The following EML5 variants were observed in gnomAD, a reference collection of about 807,000 sequenced individuals.
The protein encoded by EML5 is EMAP like 5, also known as echinoderm microtubule-associated protein-like 5.
In EML5, 120 loss-of-function variants were observed where a neutral mutation model predicts 250.0. The ratio of observed to expected loss-of-function variants is 0.48; its 90% confidence interval spans 0.41 to 0.56. The LOEUF is 0.56. Among genes scored for constraint, EML5 ranks in the 20% least tolerant of loss-of-function variants. The pLI, the probability that EML5 is intolerant of heterozygous loss-of-function variation, is 0.00. For missense variants in EML5, 2,006 were observed against 2,437.6 expected (o/e 0.82, Z 3.73); for synonymous variants, 771 against 806.5 (o/e 0.96, Z 0.75).
chr14:88,711,667 T>A (rs1457180060), intron 10 of EML5, among the ~76,000 whole-genome samples: 2 of 151,866 alleles, frequency 1.3e-5, no homozygotes, highest in Non-Finnish European at 2.9e-5. Context: ...CTAAACCATA[T>A]CAGACCCTGC....
chr14:88,682,065 G>T, intron 20 of EML5, 34 bp from the exon 21 acceptor site: 1 of 1,536,026 alleles, frequency 6.5e-7, no homozygotes, highest in Non-Finnish European at 8.7e-7. Context: ...TTTAGTGTAT[G>T]TGTGTGTATA....
chr14:88,612,504 T>G lies in EML5; in HGVS notation c.*3314A>C, dbSNP rs1181094342. 2 of 152,366 alleles carry G rather than the reference T, an allele frequency of 1.3e-5. No individual in the cohort carries two copies. Among genetic ancestry groups the G allele is most frequent in the Non-Finnish European group, 2.9e-5 (2 of 68,030 alleles). The allele number at this position is 152,366 out of a possible 1,614,324, so 9.4% of individuals were successfully genotyped here. A position where few individuals can be genotyped will look rare whatever the true frequency, so the allele number is the denominator to read the frequency against. ...TTGGGAAACTACATTATCACAAAAT[T>G]ATACAAATTTTTTTACAAGTATTTA... is the stretch of plus-strand genomic sequence containing the variant. On this transcript the variant is annotated 3_prime_UTR_variant, in exon 44 of 44. Coordinates refer to ENST00000554922, the MANE Select transcript of EML5 (RefSeq NM_183387.3).
chr14:88,666,060 A>G (rs769072148), intron 21 of EML5, among the ~76,000 whole-genome samples: 2 of 152,228 alleles, frequency 1.3e-5, no homozygotes, highest in Non-Finnish European at 2.9e-5. Flanking sequence ...AATACAACAA[A>G]AGCAAGTATG....
chr14:88,706,771 A>G (rs2093324065), intron 10 of EML5, among the ~76,000 whole-genome samples: 1 of 152,182 alleles, frequency 6.6e-6, no homozygotes, highest in Non-Finnish European at 1.5e-5. Context: ...CCTTACCCCC[A>G]TTATTCTCAA....
rs922607787 is a variant in EML5 at position 88,762,435 on chromosome 14, G to A, written c.198-7764C>T. ...TGAGGCAGGAGAATCACTTGAACCC[G>A]GGAGGCAGAGGTTGCAGTGAGCTGA... On this transcript the variant is annotated intron_variant, in intron 1 of 43. Coordinates refer to ENST00000554922, the MANE Select transcript of EML5 (RefSeq NM_183387.3). Among the ~76,000 whole-genome samples, 17 of 151,986 alleles carry A rather than the reference G, an allele frequency of 1.1e-4. No individual in the cohort carries two copies. The East Asian group carries it at 2.1e-3, about 19-fold the overall frequency.
chr14:88,759,201 G>GT (rs1712372192), intron 1 of EML5, among the ~76,000 whole-genome samples: 2 of 152,096 alleles, frequency 1.3e-5, no homozygotes, highest in South Asian at 4.1e-4. Context: ...ATTACTGTCT[G>GT]TACACATATT....
At chr14:88,734,441 G>T (rs1429418380) in intron 7 of EML5, among the ~76,000 whole-genome samples, 1 of 151,910 alleles carries the variant, frequency 6.6e-6, no homozygotes, top group Non-Finnish European at 1.5e-5. Context: ...GAATTCTTAG[G>T]GGTAAAATAT....
intron 29 of EML5, 116 bp downstream of exon 29, chr14:88,646,831 G>T: frequency 9.7e-7 from 1 of 1,033,096 alleles, no homozygotes; most frequent in Non-Finnish European, 1.4e-6. Flanking sequence ...AAAAAAATGT[G>T]CAAAACTGTG....
chr14:88,624,714 T>G (rs1419783550), intron 36 of EML5: 1 of 418,244 alleles, frequency 2.4e-6, no homozygotes, highest in African/African-American at 2.0e-5. Flanking sequence ...TTAAGAAAAG[T>G]AACTCAACTT....
At chr14:88,680,095 C>T (rs1206300466) in intron 21 of EML5, among the ~76,000 whole-genome samples, 2 of 152,142 alleles carry the variant, frequency 1.3e-5, no homozygotes, top group South Asian at 2.1e-4. Flanking sequence ...AATTAAAATA[C>T]TGCACAGCTA....
At position 88,712,447 on chromosome 14, in the gene EML5, C is replaced by A. The variant is rs148839015; in HGVS notation, c.1481G>T (p.Gly494Val). Residue 494 changes from glycine (G) to valine (V), a missense_variant, in exon 10 of 44, where the codon GGT becomes GTT. Physicochemically the swap from Gly to Val is moderately radical, Grantham distance 109. Transcript: ENST00000554922. ...KEVTSTEEIK[G>V]VHWASWTCVS... The stretch of plus-strand genomic sequence containing the variant: ...ACATGTCCATGAAGCCCAATGAACA[C>A]CTTTTATTTCTTCTGTACTTGTCAC... The A allele has an allele frequency of 3.8e-5, 61 of 1,613,366 alleles. No individual in the cohort carries two copies. Among genetic ancestry groups the A allele is most frequent in the Non-Finnish European group, 4.4e-5 (52 of 1,179,624 alleles).
Position 88,620,808 on chromosome 14 carries a change from G to T in EML5, c.5321C>A (p.Ser1774Tyr). The T allele has an allele frequency of 6.2e-7, 1 of 1,607,492 alleles. No homozygotes were observed. Among genetic ancestry groups the T allele is most frequent in the Non-Finnish European group, 8.5e-7 (1 of 1,177,618 alleles). Residue 1774 changes from serine (S) to tyrosine (Y), a missense_variant, in exon 39 of 44, where the codon TCT becomes TAT. Physicochemically the swap from Ser to Tyr is moderately radical, Grantham distance 144 (BLOSUM62 -2). This residue lies in a region of EML5 where 405 missense variants were observed against 523.3 expected (regional missense o/e 0.77). Transcript: ENST00000554922. The surrounding 1 kb of genome is among the most constrained non-coding windows in gnomAD (Gnocchi z 4.3). ...TCTCTTCTTTCCCCATATTTTTAGA[G>T]AACTCACTAGTAAAATGATAAATTC... Reference protein sequence around the residue: ...NGEFIILLVSSLKIWGKKRDR... With the variant: ...NGEFIILLVSYLKIWGKKRDR...
intron 17 of EML5, among the ~76,000 whole-genome samples, chr14:88,692,551 T>C: frequency 6.6e-6 from 1 of 152,174 alleles, no homozygotes; most frequent in East Asian, 1.9e-4. Context: ...ATAAATTATA[T>C]GCAAATACTA....
At chr14:88,736,602 G>C in intron 6 of EML5, 37 bp from the exon 7 acceptor site, 1 of 1,589,460 alleles carries the variant, frequency 6.3e-7, no homozygotes, top group South Asian at 1.1e-5. Flanking sequence ...ATATAATGCT[G>C]TAATAATGAT....
chr14:88,769,966 G>GTTTTT (rs79797316), intron 1 of EML5, among the ~76,000 whole-genome samples: 1 of 139,646 alleles, frequency 7.2e-6, no homozygotes, highest in African/African-American at 2.6e-5. Context: ...ATTATGTGCA[G>GTTTTT]TTTTTTTTTT....
chr14:88,735,651 C>T (rs192933634), intron 7 of EML5, among the ~76,000 whole-genome samples: 12 of 152,218 alleles, frequency 7.9e-5, no homozygotes, highest in African/African-American at 2.4e-4. Context: ...TGCACACATC[C>T]TTTGACTACT....
chr14:88,630,117 G>A (rs2090355547), intron 33 of EML5, among the ~76,000 whole-genome samples: 1 of 136,298 alleles, frequency 7.3e-6, no homozygotes. Context: ...TGCAACCTCT[G>A]CCTCTGGGGT....
At chr14:88,763,688 G>T (rs942244321) in intron 1 of EML5, among the ~76,000 whole-genome samples, 32 of 152,218 alleles carry the variant, frequency 2.1e-4, no homozygotes, top group South Asian at 1.2e-3. Context: ...CCAAAACATG[G>T]CAGAGACAAA....
Position 88,705,401 on chromosome 14 carries a change from TAAC to T in EML5, c.1932+78_1932+80del, listed in dbSNP as rs1366365991. On this transcript the variant is annotated intron_variant, in intron 12 of 43. Coordinates refer to ENST00000554922, the MANE Select transcript of EML5 (RefSeq NM_183387.3). ...CTTGAGAAATTAAAGCCACAAAAGA[TAAC>T]AACAGATGACTAACGGGGAGCAAGA... 6.9e-6 allele frequency: 7 copies of T among 1,020,404 alleles called. No individual in the cohort carries two copies. The African/African-American group carries it at 1.1e-4, about 16-fold the overall frequency. The allele number at this position is 1,020,404 out of a possible 1,614,324, so 63.2% of individuals were successfully genotyped here. A position where few individuals can be genotyped will look rare whatever the true frequency, so the allele number is the denominator to read the frequency against.
Sources: allele counts gnomAD v4.1 joint callset (sites outside exome capture counted in the v4.1 genomes callset), GRCh38; gene constraint gnomAD v4.1.1; regional missense constraint gnomAD v4.1.1; non-coding constraint Gnocchi (gnomAD v3.1); transcripts MANE v1.5; gene names NCBI Gene and HGNC (gene_info 2026-07-23, HGNC 2026-07-21).